The following CNGA1 variants were observed in gnomAD, a reference collection of about 807,000 sequenced individuals.
CNGA1 encodes cyclic nucleotide-gated channel alpha-1.
Under a neutral mutation model 69.7 loss-of-function variants are expected in CNGA1, and 53 were observed. That is an observed-to-expected ratio of 0.76 (90% CI 0.61 to 0.96). The LOEUF (loss-of-function observed/expected upper bound fraction) is 0.96, where lower values mean the gene tolerates loss of function less well. Ranked by LOEUF, CNGA1 falls within the 40% of genes least tolerant of loss-of-function variation. The pLI is 0.00. For missense variants in CNGA1, 739 were observed against 811.2 expected, an observed-to-expected ratio of 0.91 and a Z score of 1.08; for synonymous variants, 249 against 283.5, an observed-to-expected ratio of 0.88 and a Z score of 1.22.
chr4:47,943,064 C>G, intron 8 of CNGA1, 117 bp downstream of exon 8: 1 of 727,072 alleles, frequency 1.4e-6, no homozygotes, highest in Non-Finnish European at 2.4e-6. Context: ...GACATTTAGT[C>G]TTTACACAGG....
chr4:47,992,189 T>C (rs964203226), intron 2 of CNGA1, among the ~76,000 whole-genome samples: 6 of 152,112 alleles, frequency 3.9e-5, no homozygotes, highest in Admixed American at 1.3e-4. Flanking sequence ...AATTTTTTTA[T>C]AGTTCTATGA....
chr4:48,013,962 C>A (rs1715272447), intron 1 of CNGA1, among the ~76,000 whole-genome samples: 2 of 152,194 alleles, frequency 1.3e-5, no homozygotes, highest in Non-Finnish European at 2.9e-5. Flanking sequence ...CCTCCCCAAG[C>A]TCGAAAGACC....
chr4:47,994,673 G>C (rs899095504), intron 2 of CNGA1, among the ~76,000 whole-genome samples: 1 of 152,052 alleles, frequency 6.6e-6, no homozygotes, highest in Non-Finnish European at 1.5e-5. Context: ...TACATTCAAT[G>C]TTAGTATTGA....
chr4:47,964,685 T>G (rs1740629194), intron 3 of CNGA1, among the ~76,000 whole-genome samples: 1 of 152,106 alleles, frequency 6.6e-6, no homozygotes, highest in African/African-American at 2.4e-5. Context: ...CCTACTGATC[T>G]GAAATGTTAT....
intron 8 of CNGA1, among the ~76,000 whole-genome samples, chr4:47,942,743 T>C (rs1193315228): frequency 6.6e-6 from 1 of 152,118 alleles, no homozygotes; most frequent in East Asian, 1.9e-4. Context: ...ACAAACCTTA[T>C]TGTGATCTGC....
chr4:47,936,630 C>T lies in CNGA1; in HGVS notation c.1852G>A (p.Asp618Asn). ...ATTCGAGTAACCTTCTCTTCAAGATCTTTAGGATCACTGCCAGCATTTGCA... is the reference window on the plus strand; with the variant it reads ...ATTCGAGTAACCTTCTCTTCAAGATTTTTAGGATCACTGCCAGCATTTGCA... ...NIANAGSDPK[D>N]LEEKVTRMEG... The change falls in exon 11 of 11, where the codon GAT (aspartate) becomes AAT (asparagine). Residue 618 changes from aspartate to asparagine, a missense_variant. Transcript: ENST00000514170. The T allele has an allele frequency of 1.2e-6, 2 of 1,614,156 alleles. No homozygotes were observed. The highest frequency in any genetic ancestry group is 1.7e-6 in the Non-Finnish European group (2 of 1,180,014).
chr4:47,936,557 G>A lies in CNGA1; in HGVS notation c.1925C>T (p.Ala642Val). 6.2e-7 allele frequency: 1 copy of A among 1,614,162 alleles called. No homozygotes were observed. The highest frequency in any genetic ancestry group is 8.5e-7 in the Non-Finnish European group (1 of 1,180,020). Reference protein sequence around the residue: ...LLQTRFARILAEYESMQQKLK... With the variant: ...LLQTRFARILVEYESMQQKLK... ...TTTCTGCTGCATGGACTCATACTCAGCCAAGATTCGGGCAAACCTGGTTTG... is the reference window on the plus strand; with the variant it reads ...TTTCTGCTGCATGGACTCATACTCAACCAAGATTCGGGCAAACCTGGTTTG... Residue 642 changes from alanine (A) to valine (V), a missense_variant, in exon 11 of 11, where the codon GCT becomes GTT. Coordinates refer to ENST00000514170, the MANE Select transcript of CNGA1 (RefSeq NM_001379270.1).
intron 1 of CNGA1, among the ~76,000 whole-genome samples, chr4:48,012,558 C>CTTTTTTTTTT (rs528643370): frequency 1.2e-4 from 8 of 64,994 alleles, no homozygotes; most frequent in African/African-American, 3.3e-4. Flanking sequence ...ACCACACCAT[C>CTTTTTTTTTT]TTTTTTTTTT....
intron 5 of CNGA1, 36 bp downstream of exon 5, chr4:47,951,317 A>T: frequency 7.3e-7 from 1 of 1,373,018 alleles, no homozygotes; most frequent in Non-Finnish European, 1.0e-6. Flanking sequence ...ATAAATGGTT[A>T]AAAACAAGCA....
intron 2 of CNGA1, among the ~76,000 whole-genome samples, chr4:48,009,820 A>G (rs188411777): frequency 6.6e-6 from 1 of 152,350 alleles, no homozygotes; most frequent in East Asian, 1.9e-4. Flanking sequence ...AAGAAAAAGA[A>G]AAAGCATTCG....
chr4:48,009,829 C>T (rs989201109), intron 2 of CNGA1, among the ~76,000 whole-genome samples: 19 of 152,072 alleles, frequency 1.2e-4, no homozygotes, highest in African/African-American at 3.4e-4. Flanking sequence ...AAAAAGCATT[C>T]GACTAGTCTT....
chr4:47,958,356 G>A (rs1740220440), intron 3 of CNGA1, among the ~76,000 whole-genome samples: 1 of 152,074 alleles, frequency 6.6e-6, no homozygotes, highest in Non-Finnish European at 1.5e-5. Context: ...CAGGCGTGGT[G>A]GCTCACGCCT....
chr4:48,016,401 TA>T (rs1214382313), intron 1 of CNGA1, 81 bp downstream of exon 1: 1 of 192,194 alleles, frequency 5.2e-6, no homozygotes, highest in Non-Finnish European at 1.1e-5. Context: ...GGGCTCTCTC[TA>T]GCGGGGGAGC....
rs145441925 is a variant in CNGA1 at position 48,009,665 on chromosome 4, G to C, written c.-123+1129C>G. Among the ~76,000 whole-genome samples, 405 of 152,130 alleles carry C rather than the reference G, an allele frequency of 2.7e-3. 3 individuals are homozygous for C. Among genetic ancestry groups the C allele is most frequent in the African/African-American group, 9.1e-3 (376 of 41,500 alleles). On this transcript the variant is annotated intron_variant, in intron 2 of 10. Transcript: ENST00000514170. ...CTAAAAATACAAAAATTAGCCATGT[G>C]TGGTGGTGCTTGCCTGTAATGCCAA...
intron 3 of CNGA1, among the ~76,000 whole-genome samples, chr4:47,975,761 T>C (rs1362834877): frequency 1.3e-5 from 2 of 152,088 alleles, no homozygotes; most frequent in Non-Finnish European, 2.9e-5. Flanking sequence ...ACAAGATCCT[T>C]CATCATCAAA....
chr4:48,012,017 T>A (rs1484894028), intron 1 of CNGA1, among the ~76,000 whole-genome samples: 1 of 152,196 alleles, frequency 6.6e-6, no homozygotes, highest in South Asian at 2.1e-4. Context: ...TCTTTAAAGA[T>A]GCAAATTCTC....
chr4:47,967,829 T>C (rs1740804067), intron 3 of CNGA1, among the ~76,000 whole-genome samples: 1 of 151,962 alleles, frequency 6.6e-6, no homozygotes, highest in African/African-American at 2.4e-5. Flanking sequence ...ATACAAAAAA[T>C]TAGCTGGGTG....
chr4:48,004,926 C>T (rs558016415), intron 2 of CNGA1, among the ~76,000 whole-genome samples: 1 of 152,106 alleles, frequency 6.6e-6, no homozygotes, highest in South Asian at 2.1e-4. Flanking sequence ...ATTTTGAAGG[C>T]TTGTAGCCAA....
At position 47,936,513 on chromosome 4, in the gene CNGA1, T is replaced by G. The variant is rs540881872; in HGVS notation, c.1969A>C (p.Lys657Gln). Residue 657 changes from lysine (K) to glutamine (Q), a missense_variant, in exon 11 of 11, where the codon AAG (lysine) becomes CAG (glutamine). Coordinates refer to ENST00000514170, the MANE Select transcript of CNGA1 (RefSeq NM_001379270.1). Reference sequence around the variant, plus strand: ...AGCGGTTTCAGAAATTTCTCAACCTTGGTTAATCTTTGTTTCAGTTTCTGC... The same window carrying G: ...AGCGGTTTCAGAAATTTCTCAACCTGGGTTAATCTTTGTTTCAGTTTCTGC... Reference protein sequence around the residue: ...MQQKLKQRLTKVEKFLKPLID... With the variant: ...MQQKLKQRLTQVEKFLKPLID... The G allele has an allele frequency of 6.2e-7, 1 of 1,614,044 alleles. No homozygotes were observed. Among genetic ancestry groups the G allele is most frequent in the African/African-American group, 1.3e-5 (1 of 74,916 alleles).
Sources: gnomAD v4.1 joint callset for allele counts (sites outside exome capture counted in the v4.1 genomes callset) on GRCh38, gnomAD v4.1.1 for gene constraint, MANE v1.5 for transcripts, NCBI Gene and HGNC (gene_info 2026-07-23, HGNC 2026-07-21) for gene names.